PHKA1: variants seen among roughly 807,000 people sequenced by gnomAD.
The protein encoded by PHKA1 is phosphorylase kinase regulatory subunit alpha 1.
A neutral mutation model predicts 110.2 loss-of-function variants in PHKA1; 60 were observed. The observed-to-expected ratio is 0.54, with a 90% CI of 0.44 to 0.68. PHKA1 has a LOEUF of 0.68. Among genes scored for constraint, PHKA1 ranks in the 30% least tolerant of loss-of-function variants. The pLI is 0.00. For synonymous variants in PHKA1, 316 were observed against 333.6 expected (o/e 0.95, Z 0.58); for missense variants, 801 against 942.5 (o/e 0.85, Z 1.97).
chrX:72,675,142 C>T (rs991276898), intron 6 of PHKA1, among the ~76,000 whole-genome samples: 4 of 108,722 alleles, frequency 3.7e-5, no homozygotes, highest in Admixed American at 9.8e-5. Context: ...GAGCCAAGAT[C>T]GTGCCACTGC....
At chrX:72,710,035 T>A (rs183800176) in intron 2 of PHKA1, among the ~76,000 whole-genome samples, 3 of 78,787 alleles carry the variant, frequency 3.8e-5, no homozygotes, top group African/African-American at 1.6e-4. Context: ...GAGCAAGACT[T>A]AGTCTTCAAA....
intron 13 of PHKA1, among the ~76,000 whole-genome samples, chrX:72,646,790 C>T (rs940314362): frequency 4.5e-5 from 5 of 110,770 alleles, no homozygotes; most frequent in Non-Finnish European, 9.4e-5. Context: ...TTCAGATTGA[C>T]AGAGAATAAA....
intron 15 of PHKA1, among the ~76,000 whole-genome samples, chrX:72,635,852 C>T (rs781991363): frequency 1.8e-5 from 2 of 111,409 alleles, no homozygotes; most frequent in East Asian, 5.6e-4. Context: ...AAAACAGTAC[C>T]GACATTTTTG....
intron 5 of PHKA1, among the ~76,000 whole-genome samples, chrX:72,681,382 T>C (rs782768983): frequency 0.032 from 2,109 of 66,269 alleles, no homozygotes; most frequent in East Asian, 0.11. Context: ...CCACCCCATC[T>C]GGGAGGGAGG....
chrX:72,707,079 C>A, intron 2 of PHKA1, among the ~76,000 whole-genome samples: 1 of 111,604 alleles, frequency 9.0e-6, no homozygotes, highest in Non-Finnish European at 1.9e-5. Flanking sequence ...AAGTGACTCT[C>A]CCTCTTGCCT....
At chrX:72,601,117 C>G (rs2052652623) in intron 28 of PHKA1, among the ~76,000 whole-genome samples, 1 of 111,703 alleles carries the variant, frequency 9.0e-6, no homozygotes, top group African/African-American at 3.2e-5. Context: ...CAACCGCTCT[C>G]TATTCTCACC....
intron 2 of PHKA1, among the ~76,000 whole-genome samples, chrX:72,711,366 G>A (rs1238605932): frequency 1.8e-5 from 2 of 111,587 alleles, no homozygotes; most frequent in African/African-American, 6.5e-5. Context: ...TGTAGGATTT[G>A]GGGGAGGGGA....
chrX:72,670,998 A>T (rs1437485252), intron 6 of PHKA1, among the ~76,000 whole-genome samples: 12 of 111,785 alleles, frequency 1.1e-4, no homozygotes, highest in Non-Finnish European at 2.3e-4. Flanking sequence ...GGGCAAAAAC[A>T]GGAAGCATTC....
At chrX:72,619,712 A>G (rs1445502654) in intron 19 of PHKA1, among the ~76,000 whole-genome samples, 7 of 112,065 alleles carry the variant, frequency 6.2e-5, no homozygotes, top group African/African-American at 2.3e-4. Flanking sequence ...GAATAAGTGA[A>G]TGGATGATCC....
chrX:72,646,982 A>G lies in PHKA1; in HGVS notation c.1325-2486T>C, dbSNP rs1175688939. Among the ~76,000 whole-genome samples the G allele has an allele frequency of 2.7e-5, 3 of 110,374 alleles. No homozygotes were observed. In the East Asian group the frequency reaches 8.5e-4, roughly 31 times the overall value. On this transcript the variant is annotated intron_variant, in intron 13 of 31. Transcript: ENST00000373542. ...CTCATTTCTACTAAAAATAAAAAAA[A>G]TTAGCCAGGTGTGGAGGTGCGTGCC...
intron 21 of PHKA1, among the ~76,000 whole-genome samples, chrX:72,613,940 A>T (rs1451628548): frequency 8.9e-6 from 1 of 112,159 alleles, no homozygotes; most frequent in Non-Finnish European, 1.9e-5. Flanking sequence ...TGTTAACAAC[A>T]TGAAAAATGA....
intron 2 of PHKA1, among the ~76,000 whole-genome samples, chrX:72,707,053 G>A (rs1556332791): frequency 9.0e-6 from 1 of 111,393 alleles, no homozygotes; most frequent in African/African-American, 3.3e-5. Context: ...ATACATCAGG[G>A]CTTCTACCCC....
At chrX:72,681,088 C>T (rs2053852912) in intron 5 of PHKA1, among the ~76,000 whole-genome samples, 1 of 57,477 alleles carries the variant, frequency 1.7e-5, no homozygotes, top group African/African-American at 6.5e-5. Context: ...AGGAGCGCCT[C>T]TTCCCAGCCG....
chrX:72,660,703 C>T, intron 8 of PHKA1: 1 of 318,720 alleles, frequency 3.1e-6, no homozygotes, highest in Non-Finnish European at 6.0e-6. Flanking sequence ...CAGAAGAATG[C>T]AGACAGAAGA....
chrX:72,667,145 G>A, intron 7 of PHKA1, among the ~76,000 whole-genome samples: 1 of 112,016 alleles, frequency 8.9e-6, no homozygotes, highest in Non-Finnish European at 1.9e-5. Context: ...AGTATGGTGG[G>A]ATCCCTTTAT....
At chrX:72,590,210 C>G (rs782303119) in intron 29 of PHKA1, among the ~76,000 whole-genome samples, 49 of 111,837 alleles carry the variant, frequency 4.4e-4, no homozygotes, top group African/African-American at 1.6e-3. Flanking sequence ...CAGCATGGTA[C>G]TGGTACCAAA....
chrX:72,634,374 T>C (rs2053202930), intron 16 of PHKA1, among the ~76,000 whole-genome samples: 1 of 111,016 alleles, frequency 9.0e-6, no homozygotes, highest in Non-Finnish European at 1.9e-5. Flanking sequence ...TTTTGAATGA[T>C]TAATAATAAG....
Position 72,666,288 on chromosome X carries a change from T to C in PHKA1, c.727A>G (p.Asn243Asp), listed in dbSNP as rs2053615064. 1 of 1,208,388 alleles carries C rather than the reference T, an allele frequency of 8.3e-7. No individual in the cohort carries two copies. The highest frequency in any genetic ancestry group is 2.2e-5 in the Admixed American group (1 of 46,038). The change falls in exon 8 of 32, where the codon AAT (asparagine) becomes GAT (aspartate). Residue 243 changes from asparagine (N) to aspartate (D), a missense_variant. This residue lies in a region of PHKA1 where 299 missense variants were observed against 423.3 expected (regional missense o/e 0.71). Coordinates refer to ENST00000373542, the MANE Select transcript of PHKA1 (RefSeq NM_002637.4). ...GTTGAAGCACGGGGCAGTAGTGAAT[T>C]TAGGATAGACTAAGAGAAAAGAAGT... ...DEVQHCQSILNSLLPRASTSK... is the reference protein window; with the variant it reads ...DEVQHCQSILDSLLPRASTSK...
Position 72,580,851 on chromosome X carries a change from G to C in PHKA1, c.*151C>G. 1.9e-6 allele frequency: 1 copy of C among 533,948 alleles called. No individual in the cohort carries two copies. The highest frequency in any genetic ancestry group is 2.7e-5 in the Admixed American group (1 of 36,502). 44.0% of individuals were successfully genotyped at this position (533,948 alleles called of 1,213,427 possible). On this transcript the variant is annotated 3_prime_UTR_variant, in exon 32 of 32. Transcript: ENST00000373542. Reference sequence around the variant, plus strand: ...GTGTTCACTTCTTCTACAGTAGTTAGTTTATCGAAAAAGTTCTCTCTTCTT... The same window carrying C: ...GTGTTCACTTCTTCTACAGTAGTTACTTTATCGAAAAAGTTCTCTCTTCTT...
Sources: allele counts gnomAD v4.1 joint callset (sites outside exome capture counted in the v4.1 genomes callset), GRCh38; gene constraint gnomAD v4.1.1; regional missense constraint gnomAD v4.1.1; transcripts MANE v1.5; gene names NCBI Gene and HGNC (gene_info 2026-07-23, HGNC 2026-07-21).